DNAAF11: variants seen among roughly 807,000 people sequenced by gnomAD.
DNAAF11 encodes the protein dynein axonemal assembly factor 11.
A neutral mutation model predicts 60.8 loss-of-function variants in DNAAF11; 45 were observed. The observed-to-expected ratio is 0.74, with a 90% CI of 0.58 to 0.95. The LOEUF is 0.95. Ranked by LOEUF, DNAAF11 falls within the 40% of genes least tolerant of loss-of-function variation. The pLI, the probability that DNAAF11 is intolerant of heterozygous loss-of-function variation, is 0.00. For synonymous variants in DNAAF11, 191 were observed against 183.5 expected, an observed-to-expected ratio of 1.04 and a Z score of -0.33; for missense variants, 546 against 546.2, an observed-to-expected ratio of 1.00 and a Z score of 0.00.
At chr8:132,649,209 C>T (rs1256202554) in intron 3 of DNAAF11, among the ~76,000 whole-genome samples, 1 of 152,100 alleles carries the variant, frequency 6.6e-6, no homozygotes, top group Non-Finnish European at 1.5e-5. Context: ...TCAGAAATAA[C>T]ACCACACATC....
At chr8:132,659,876 T>G (rs954284593) in intron 2 of DNAAF11, among the ~76,000 whole-genome samples, 1 of 152,142 alleles carries the variant, frequency 6.6e-6, no homozygotes, top group Non-Finnish European at 1.5e-5. Context: ...GCAGTATTCC[T>G]GGCCTCTATA....
the DNAAF11 span, among the ~76,000 whole-genome samples, chr8:132,684,691 C>T: frequency 7.2e-5 from 11 of 152,202 alleles, no homozygotes; most frequent in Non-Finnish European, 1.3e-4. Context: ...TGACAAAGGC[C>T]AGTCTTTCTC....
intron 11 of DNAAF11, among the ~76,000 whole-genome samples, chr8:132,578,101 T>G (rs1277333099): frequency 1.6e-4 from 24 of 152,172 alleles, no homozygotes; most frequent in Admixed American, 1.6e-3. Flanking sequence ...TATTTGTGTT[T>G]TAAGTATATA....
chr8:132,693,397 G>A, the DNAAF11 span, among the ~76,000 whole-genome samples: 4 of 151,878 alleles, frequency 2.6e-5, no homozygotes, highest in Admixed American at 6.6e-5. Flanking sequence ...TCCACAATAC[G>A]AATGTATGTA....
At chr8:132,689,772 G>A in the DNAAF11 span, among the ~76,000 whole-genome samples, 1 of 152,020 alleles carries the variant, frequency 6.6e-6, no homozygotes, top group East Asian at 1.9e-4. Flanking sequence ...CACCCAGGCT[G>A]AAGTGCAGTG....
At chr8:132,650,472 C>T (rs1822893461) in intron 3 of DNAAF11, among the ~76,000 whole-genome samples, 2 of 152,084 alleles carry the variant, frequency 1.3e-5, no homozygotes, top group Non-Finnish European at 2.9e-5. Context: ...ACATATGTAA[C>T]AAACCTGCAC....
At position 132,675,517 on chromosome 8, in the gene DNAAF11, C is replaced by G; in HGVS notation, c.-24G>C. 6.4e-7 allele frequency: 1 copy of G among 1,556,738 alleles called. No homozygotes were observed. The highest frequency in any genetic ancestry group is 8.7e-7 in the Non-Finnish European group (1 of 1,146,704). On this transcript the variant is annotated 5_prime_UTR_variant, in exon 1 of 12. Coordinates refer to ENST00000620350, the MANE Select transcript of DNAAF11 (RefSeq NM_012472.6). ...ATGGCGCCTCTCCAGTTCGCTGACC[C>G]CGCAAGCCGGACCCGGACCTCGAAT...
At chr8:132,581,569 G>C (rs542680799) in intron 11 of DNAAF11, among the ~76,000 whole-genome samples, 14 of 149,054 alleles carry the variant, frequency 9.4e-5, no homozygotes, top group African/African-American at 3.2e-4. Context: ...AGAATCGCTT[G>C]AATCCAGGAG....
intron 10 of DNAAF11, among the ~76,000 whole-genome samples, chr8:132,588,851 G>C (rs2131055556): frequency 6.6e-6 from 1 of 152,194 alleles, no homozygotes; most frequent in South Asian, 2.1e-4. Context: ...AGGGGAAGCA[G>C]GCATGTCTCA....
At chr8:132,698,445 T>C in the DNAAF11 span, among the ~76,000 whole-genome samples, 1 of 152,128 alleles carries the variant, frequency 6.6e-6, no homozygotes, top group Middle Eastern at 3.2e-3. Flanking sequence ...CTCTGAAACA[T>C]AAATAATAGA....
At chr8:132,586,813 C>A (rs1460380157) in intron 10 of DNAAF11, among the ~76,000 whole-genome samples, 1 of 152,152 alleles carries the variant, frequency 6.6e-6, no homozygotes. Flanking sequence ...TTCTCCCTTT[C>A]CCCTCTCTTG....
intron 7 of DNAAF11, among the ~76,000 whole-genome samples, chr8:132,622,276 C>A (rs575232337): frequency 2.6e-5 from 4 of 152,100 alleles, no homozygotes; most frequent in Non-Finnish European, 5.9e-5. Flanking sequence ...TTGCTCATGG[C>A]AGAGTTTTAA....
intron 10 of DNAAF11, among the ~76,000 whole-genome samples, chr8:132,596,400 T>C (rs914284652): frequency 6.6e-6 from 1 of 152,178 alleles, no homozygotes; most frequent in Non-Finnish European, 1.5e-5. Flanking sequence ...AGGTCACTCT[T>C]CTGACAGTTC....
rs573443882 is a variant in DNAAF11, at chr8:132,644,840, C to G, written c.257-6733G>C. Among the ~76,000 whole-genome samples the G allele has an allele frequency of 7.2e-5, 11 of 152,298 alleles. No homozygotes were observed. The East Asian group carries it at 2.1e-3, about 29-fold the overall frequency. On this transcript the variant is annotated intron_variant, in intron 3 of 11. Coordinates refer to ENST00000620350, the MANE Select transcript of DNAAF11 (RefSeq NM_012472.6). ...AGGTAAACAAAGCAGCCGGGAAGCTCGAACTGGGTGGAGCCCACCACAGCT... is the reference window on the plus strand; with the variant it reads ...AGGTAAACAAAGCAGCCGGGAAGCTGGAACTGGGTGGAGCCCACCACAGCT...
intron 1 of DNAAF11, among the ~76,000 whole-genome samples, chr8:132,668,605 A>AT (rs1000670618): frequency 3.2e-4 from 48 of 149,268 alleles, no homozygotes; most frequent in Non-Finnish European, 4.5e-4. Flanking sequence ...CGCCTGGCTA[A>AT]TTTTTTTTTT....
chr8:132,679,637 G>A (rs978777590), upstream of DNAAF11, among the ~76,000 whole-genome samples: 5 of 152,156 alleles, frequency 3.3e-5, no homozygotes, highest in African/African-American at 9.7e-5. Flanking sequence ...TAATTCCCAC[G>A]TGTTGTGGGA....
At position 132,637,929 on chromosome 8, in the gene DNAAF11, C is replaced by T. The variant is rs753441290; in HGVS notation, c.429+6G>A. ...TGTGATTTCTGCACCATTAAAAGAA[C>T]CATACCTTTAATTGTGGAAGAGTTG... On this transcript the variant is annotated splice_donor_region_variant and intron_variant, in intron 4 of 11. Coordinates refer to ENST00000620350, the MANE Select transcript of DNAAF11 (RefSeq NM_012472.6). The T allele has an allele frequency of 6.3e-7, 1 of 1,599,124 alleles. No homozygotes were observed. The highest frequency in any genetic ancestry group is 8.5e-7 in the Non-Finnish European group (1 of 1,172,416).
intron 3 of DNAAF11, among the ~76,000 whole-genome samples, chr8:132,648,471 A>G (rs940503094): frequency 3.9e-5 from 6 of 152,178 alleles, no homozygotes; most frequent in Non-Finnish European, 8.8e-5. Context: ...GCCCTCTCTC[A>G]CCACTCCTAT....
At chr8:132,666,101 G>A (rs187188093) in intron 1 of DNAAF11, among the ~76,000 whole-genome samples, 11 of 152,272 alleles carry the variant, frequency 7.2e-5, no homozygotes, top group Admixed American at 6.5e-4. Context: ...CAAAATGGGC[G>A]AAGGAGGGGA....
Sources: gnomAD v4.1 joint callset for allele counts (sites outside exome capture counted in the v4.1 genomes callset) on GRCh38, gnomAD v4.1.1 for gene constraint, MANE v1.5 for transcripts, NCBI Gene and HGNC (gene_info 2026-07-23, HGNC 2026-07-21) for gene names.